Variants in LYPLAL1 observed in about 807,000 individuals in gnomAD.
The protein encoded by LYPLAL1 is lysophospholipase-like protein 1.
In LYPLAL1, 23 loss-of-function variants were observed where a neutral mutation model predicts 19.7. That is an observed-to-expected ratio of 1.17 (90% CI 0.84 to 1.65). The LOEUF (loss-of-function observed/expected upper bound fraction) is 1.65, where lower values mean the gene tolerates loss of function less well. LYPLAL1 is among the 40% of genes most tolerant of loss of function. The probability of loss-of-function intolerance (pLI) is 0.00; values close to 1 mark genes in which losing one functional copy is unlikely to be tolerated. For synonymous variants in LYPLAL1, 119 were observed against 96.3 expected, an observed-to-expected ratio of 1.24 and a Z score of -1.38; for missense variants, 355 against 279.4, an observed-to-expected ratio of 1.27 and a Z score of -1.93.
the LYPLAL1 span, among the ~76,000 whole-genome samples, chr1:219,434,346 A>G: frequency 6.6e-6 from 1 of 152,230 alleles, no homozygotes; most frequent in East Asian, 1.9e-4. Context: ...TTGAGAATCT[A>G]TAGTTAAATG....
chr1:219,362,260 CT>C, the LYPLAL1 span, among the ~76,000 whole-genome samples: 2 of 152,092 alleles, frequency 1.3e-5, no homozygotes, highest in Non-Finnish European at 2.9e-5. Flanking sequence ...GGCAATTAGG[CT>C]TCCTATGATT....
At chr1:219,359,061 G>A in the LYPLAL1 span, among the ~76,000 whole-genome samples, 1 of 145,164 alleles carries the variant, frequency 6.9e-6, no homozygotes, top group South Asian at 2.2e-4. Flanking sequence ...CTATATAAGT[G>A]AGGAAACAAG....
the LYPLAL1 span, among the ~76,000 whole-genome samples, chr1:219,430,435 T>G: frequency 1.3e-5 from 2 of 152,222 alleles, no homozygotes; most frequent in Admixed American, 6.5e-5. Flanking sequence ...ATAGGTCTCT[T>G]TAAAGGCAGG....
At chr1:219,301,675 C>G in the LYPLAL1 span, among the ~76,000 whole-genome samples, 1 of 151,938 alleles carries the variant, frequency 6.6e-6, no homozygotes, top group Non-Finnish European at 1.5e-5. Flanking sequence ...TCAATTGCCC[C>G]CCAGAAAATA....
chr1:219,403,672 G>C, the LYPLAL1 span, among the ~76,000 whole-genome samples: 1 of 152,182 alleles, frequency 6.6e-6, no homozygotes, highest in Non-Finnish European at 1.5e-5. Context: ...GCAGTGTACA[G>C]AGAATAGTCA....
At chr1:219,371,754 T>C in the LYPLAL1 span, among the ~76,000 whole-genome samples, 1 of 144,434 alleles carries the variant, frequency 6.9e-6, no homozygotes, top group Non-Finnish European at 1.6e-5. Context: ...TCTCTGTATG[T>C]CACTTTCCTT....
At chr1:219,353,432 A>G in the LYPLAL1 span, among the ~76,000 whole-genome samples, 2 of 152,218 alleles carry the variant, frequency 1.3e-5, no homozygotes, top group East Asian at 1.9e-4. Flanking sequence ...ACTGTTGGGG[A>G]GCTCAGCCAT....
At chr1:219,257,266 T>C in the LYPLAL1 span, among the ~76,000 whole-genome samples, 3 of 152,004 alleles carry the variant, frequency 2.0e-5, no homozygotes, top group African/African-American at 7.2e-5. Flanking sequence ...GTATATAGTA[T>C]TCCTGATTCA....
intron 3 of LYPLAL1, among the ~76,000 whole-genome samples, chr1:219,196,836 G>A (rs1657643707): frequency 6.6e-6 from 1 of 152,050 alleles, no homozygotes; most frequent in Non-Finnish European, 1.5e-5. Flanking sequence ...GAAATCACAA[G>A]CATTCCTATA....
chr1:219,289,814 A>G, the LYPLAL1 span, among the ~76,000 whole-genome samples: 1 of 152,238 alleles, frequency 6.6e-6, no homozygotes, highest in East Asian at 1.9e-4. Flanking sequence ...TATTTCAAAG[A>G]TGACATAATT....
chr1:219,406,970 G>A, the LYPLAL1 span, among the ~76,000 whole-genome samples: 4 of 152,290 alleles, frequency 2.6e-5, no homozygotes, highest in Admixed American at 2.0e-4. Flanking sequence ...ACAACTGTGA[G>A]CATGAATTCA....
chr1:219,349,353 C>T, the LYPLAL1 span, among the ~76,000 whole-genome samples: 2 of 152,060 alleles, frequency 1.3e-5, no homozygotes, highest in Admixed American at 6.5e-5. Context: ...AATGTGATCC[C>T]CAGCTTCACA....
chr1:219,214,045 A>G (rs1659197737), downstream of LYPLAL1, among the ~76,000 whole-genome samples: 1 of 152,132 alleles, frequency 6.6e-6, no homozygotes, highest in Non-Finnish European at 1.5e-5. Flanking sequence ...GTCCATTATC[A>G]AATTGATGAT....
At chr1:219,178,746 T>C (rs941333511) in intron 1 of LYPLAL1, among the ~76,000 whole-genome samples, 6 of 152,252 alleles carry the variant, frequency 3.9e-5, no homozygotes, top group Non-Finnish European at 7.4e-5. Context: ...AGTTTAACAG[T>C]CACTTTAGGA....
chr1:219,203,069 G>T (rs1014717248), intron 3 of LYPLAL1, among the ~76,000 whole-genome samples: 3 of 122,416 alleles, frequency 2.5e-5, no homozygotes, highest in African/African-American at 5.7e-5. Context: ...AAGGGGATAG[G>T]TTCAAAAGTT....
chr1:219,232,648 C>T, the LYPLAL1 span, among the ~76,000 whole-genome samples: 1 of 152,040 alleles, frequency 6.6e-6, no homozygotes, highest in African/African-American at 2.4e-5. Context: ...TAAGAGATTA[C>T]AATCTGGAAT....
chr1:219,243,874 G>A, the LYPLAL1 span, among the ~76,000 whole-genome samples: 25 of 147,152 alleles, frequency 1.7e-4, no homozygotes, highest in Non-Finnish European at 3.1e-4. Context: ...AGCCTAGATC[G>A]CACCACTGCA....
At chr1:219,221,475 T>C in the LYPLAL1 span, among the ~76,000 whole-genome samples, 2 of 152,192 alleles carry the variant, frequency 1.3e-5, no homozygotes, top group African/African-American at 2.4e-5. Context: ...TTGTTAGTCA[T>C]GGAGTCTGAG....
the LYPLAL1 span, among the ~76,000 whole-genome samples, chr1:219,240,474 A>T: frequency 0.02 from 3,119 of 152,286 alleles, 118 homozygotes; most frequent in African/African-American, 0.071. Flanking sequence ...AAACTGGAAC[A>T]TGTACAGATC....
Sources: allele counts gnomAD v4.1 joint callset (sites outside exome capture counted in the v4.1 genomes callset), GRCh38; gene constraint gnomAD v4.1.1; transcripts MANE v1.5; gene names NCBI Gene and HGNC (gene_info 2026-07-23, HGNC 2026-07-21).